KCNIP4: variants seen among roughly 807,000 people sequenced by gnomAD.
KCNIP4 encodes potassium voltage-gated channel interacting protein 4.
In KCNIP4, 12 loss-of-function variants were observed where a neutral mutation model predicts 34.0. The ratio of observed to expected loss-of-function variants is 0.35; its 90% confidence interval spans 0.23 to 0.57. KCNIP4 has a LOEUF of 0.57. Ranked by LOEUF, KCNIP4 falls within the 20% of genes least tolerant of loss-of-function variation. The pLI, the probability that KCNIP4 is intolerant of heterozygous loss-of-function variation, is 0.83. For missense variants in KCNIP4, 238 were observed against 311.7 expected (o/e 0.76, Z 1.78); for synonymous variants, 124 against 102.2 (o/e 1.21, Z -1.29).
At chr4:20,965,805 A>G (rs888400910) in intron 1 of KCNIP4, among the ~76,000 whole-genome samples, 2 of 152,166 alleles carry the variant, frequency 1.3e-5, no homozygotes, top group Non-Finnish European at 2.9e-5. Flanking sequence ...ATGCTGAGCT[A>G]TATGTTAGTT....
At chr4:21,458,326 T>C (rs1345227539) in intron 1 of KCNIP4, among the ~76,000 whole-genome samples, 1 of 151,870 alleles carries the variant, frequency 6.6e-6, no homozygotes, top group East Asian at 1.9e-4. Flanking sequence ...CAGGAACTCA[T>C]CATATTTTAT....
chr4:21,568,963 GT>G (rs1740137261), intron 1 of KCNIP4, among the ~76,000 whole-genome samples: 1 of 151,982 alleles, frequency 6.6e-6, no homozygotes, highest in African/African-American at 2.4e-5. Flanking sequence ...GGCAAGGAAT[GT>G]CAAAAATGGT....
At chr4:20,927,314 A>T (rs1229838208) in intron 1 of KCNIP4, among the ~76,000 whole-genome samples, 1 of 152,076 alleles carries the variant, frequency 6.6e-6, no homozygotes, top group Non-Finnish European at 1.5e-5. Context: ...TGCTGGTGTT[A>T]TTTTAGGAAT....
intron 3 of KCNIP4, among the ~76,000 whole-genome samples, chr4:20,839,346 AG>A (rs1396472726): frequency 2.0e-5 from 3 of 151,940 alleles, no homozygotes; most frequent in African/African-American, 7.2e-5. Flanking sequence ...AGATATACAT[AG>A]TTTTCAAAAA....
At chr4:21,219,899 GTTC>G (rs1277623104) in intron 1 of KCNIP4, among the ~76,000 whole-genome samples, 2 of 152,118 alleles carry the variant, frequency 1.3e-5, no homozygotes, top group Non-Finnish European at 2.9e-5. Flanking sequence ...AACTTACTGA[GTTC>G]TTCTTCTGTA....
chr4:21,720,013 A>AAGGAGAAGG (rs774601045), intron 1 of KCNIP4, among the ~76,000 whole-genome samples: 4 of 131,234 alleles, frequency 3.0e-5, no homozygotes, highest in African/African-American at 9.5e-5. Flanking sequence ...AAAGAAGAAG[A>AAGGAGAAGG]AGAAGGAGAA....
At chr4:21,000,571 G>C (rs1200768891) in intron 1 of KCNIP4, among the ~76,000 whole-genome samples, 4 of 151,996 alleles carry the variant, frequency 2.6e-5, no homozygotes, top group Non-Finnish European at 5.9e-5. Flanking sequence ...TGTAATCCCA[G>C]CTACTAGGGA....
At chr4:21,844,226 G>C (rs1723865737) in intron 1 of KCNIP4, 1 of 152,052 alleles carries the variant, frequency 6.6e-6, no homozygotes, top group Non-Finnish European at 1.5e-5. Flanking sequence ...TATTTCCTAA[G>C]AACACAGAGG....
chr4:21,946,466 T>A (rs932352421), intron 1 of KCNIP4, among the ~76,000 whole-genome samples: 2 of 152,196 alleles, frequency 1.3e-5, no homozygotes, highest in Non-Finnish European at 2.9e-5. Context: ...AAAACAAAAA[T>A]GGAAGACAGA....
At chr4:21,346,551 T>G (rs866567926) in intron 1 of KCNIP4, among the ~76,000 whole-genome samples, 5 of 151,622 alleles carry the variant, frequency 3.3e-5, no homozygotes, top group African/African-American at 7.3e-5. Flanking sequence ...TAAAGCACAG[T>G]GCCTTAATGT....
At chr4:21,606,945 C>G (rs1201949585) in intron 1 of KCNIP4, among the ~76,000 whole-genome samples, 2 of 152,122 alleles carry the variant, frequency 1.3e-5, no homozygotes, top group Non-Finnish European at 2.9e-5. Flanking sequence ...CACTCTTCCA[C>G]TCCTTAGGAC....
intron 1 of KCNIP4, among the ~76,000 whole-genome samples, chr4:20,906,137 T>C (rs1283267775): frequency 2.0e-5 from 3 of 147,182 alleles, no homozygotes; most frequent in Non-Finnish European, 4.5e-5. Context: ...TTTCTCTTTC[T>C]CTCTCTCTTG....
At position 20,963,313 on chromosome 4, in the gene KCNIP4, C is replaced by T. The variant is rs183340016; in HGVS notation, c.62-80604G>A. On this transcript the variant is annotated intron_variant, in intron 1 of 8. Coordinates refer to ENST00000382152, the MANE Select transcript of KCNIP4 (RefSeq NM_025221.6). Reference sequence around the variant, plus strand: ...CTGCACTCCAGCCTGGGCGACAGAGCGAGACTCCGTCTCAAAAAACAAAAA... The same window carrying T: ...CTGCACTCCAGCCTGGGCGACAGAGTGAGACTCCGTCTCAAAAAACAAAAA... Among the ~76,000 whole-genome samples, 433 of 145,262 alleles carry T rather than the reference C, an allele frequency of 3.0e-3. 2 individuals are homozygous for T. The highest frequency in any genetic ancestry group is 0.011 in the Middle Eastern group (3 of 282).
At chr4:21,840,099 C>T (rs1490864709) in intron 1 of KCNIP4, among the ~76,000 whole-genome samples, 2 of 151,746 alleles carry the variant, frequency 1.3e-5, no homozygotes, top group Admixed American at 6.6e-5. Flanking sequence ...CAAAGCACCG[C>T]GGAGGTAAGT....
In KCNIP4 at chr4:21,437,631, G is replaced by A. The variant is rs573810200; in HGVS notation, c.61+510940C>T. On this transcript the variant is annotated intron_variant, in intron 1 of 8. Transcript: ENST00000382152. ...TCTTTGTGTTAGTGGAACTGCTTCC[G>A]GTTTTCAGAGAGAGTAAATTGAAAT... Among the ~76,000 whole-genome samples, 43 of 152,202 alleles carry A rather than the reference G, an allele frequency of 2.8e-4. 1 individual carries two copies. The highest frequency in any genetic ancestry group is 2.6e-3 in the Admixed American group (40 of 15,272).
At chr4:21,203,386 C>G (rs1171829425) in intron 1 of KCNIP4, among the ~76,000 whole-genome samples, 2 of 145,140 alleles carry the variant, frequency 1.4e-5, no homozygotes, top group African/African-American at 5.5e-5. Context: ...TTACAGGAAT[C>G]AAAGAGCCCA....
intron 1 of KCNIP4, among the ~76,000 whole-genome samples, chr4:20,910,191 C>T (rs1382932867): frequency 1.3e-5 from 2 of 151,988 alleles, no homozygotes; most frequent in South Asian, 2.1e-4. Flanking sequence ...ACTGGCTCAC[C>T]TCACTTTAGA....
At position 21,067,483 on chromosome 4, in the gene KCNIP4, A is replaced by T. The variant is rs73802448; in HGVS notation, c.62-184774T>A. ...TTCCTGATTCCAGGCCTTGGCTCCC[A>T]GATGGCATCTCTGGGTCTGCCCGGC... On this transcript the variant is annotated intron_variant, in intron 1 of 8. Coordinates refer to ENST00000382152, the MANE Select transcript of KCNIP4 (RefSeq NM_025221.6). 6.4e-3 allele frequency among the ~76,000 whole-genome samples: 968 copies of T among 152,286 alleles called. 6 individuals are homozygous for T. The highest frequency in any genetic ancestry group is 0.021 in the African/African-American group (862 of 41,558).
intron 1 of KCNIP4, among the ~76,000 whole-genome samples, chr4:20,923,070 A>G (rs1367001538): frequency 6.6e-6 from 1 of 152,138 alleles, no homozygotes; most frequent in Non-Finnish European, 1.5e-5. Context: ...GATTTGTCAA[A>G]AGACTCCAGC....
Sources: gnomAD v4.1 joint callset for allele counts (sites outside exome capture counted in the v4.1 genomes callset) on GRCh38, gnomAD v4.1.1 for gene constraint, MANE v1.5 for transcripts, NCBI Gene and HGNC (gene_info 2026-07-23, HGNC 2026-07-21) for gene names.